The following PTPRR variants were observed in gnomAD, a reference collection of about 807,000 sequenced individuals.
PTPRR encodes the protein receptor-type tyrosine-protein phosphatase R.
Under a neutral mutation model 77.2 loss-of-function variants are expected in PTPRR, and 38 were observed. That is an observed-to-expected ratio of 0.49 (90% CI 0.38 to 0.65). PTPRR has a LOEUF of 0.65. PTPRR is among the 30% of genes least tolerant of loss of function. PTPRR has a pLI of 0.00. For missense variants in PTPRR, 744 were observed against 799.2 expected (o/e 0.93, Z 0.83); for synonymous variants, 299 against 283.1 (o/e 1.06, Z -0.57).
chr12:70,715,182 T>C (rs1217273437), intron 6 of PTPRR, among the ~76,000 whole-genome samples: 1 of 151,946 alleles, frequency 6.6e-6, no homozygotes, highest in Non-Finnish European at 1.5e-5. Context: ...GGGGGAGATA[T>C]CACATGTCAG....
At chr12:70,662,103 G>A (rs112342826) in intron 11 of PTPRR, among the ~76,000 whole-genome samples, 3 of 152,080 alleles carry the variant, frequency 2.0e-5, no homozygotes, top group Non-Finnish European at 4.4e-5. Context: ...ACCCACAAAT[G>A]CAGATTTTCT....
intron 2 of PTPRR, among the ~76,000 whole-genome samples, chr12:70,866,277 T>C (rs1445263535): frequency 6.6e-6 from 1 of 152,186 alleles, no homozygotes; most frequent in East Asian, 1.9e-4. Flanking sequence ...ACAAAATCGA[T>C]AGACCGCTAG....
intron 10 of PTPRR, among the ~76,000 whole-genome samples, chr12:70,673,654 A>C (rs916630611): frequency 1.3e-5 from 2 of 152,244 alleles, no homozygotes; most frequent in East Asian, 3.8e-4. Flanking sequence ...AGAAATAATA[A>C]GAAATATTTA....
intron 2 of PTPRR, among the ~76,000 whole-genome samples, chr12:70,784,089 G>A (rs1013837867): frequency 1.1e-4 from 17 of 152,150 alleles, no homozygotes; most frequent in Non-Finnish European, 2.4e-4. Context: ...GCAGCTGAGG[G>A]CAGAGGGAGC....
intron 2 of PTPRR, among the ~76,000 whole-genome samples, chr12:70,864,426 T>C (rs573945498): frequency 7.9e-5 from 12 of 152,110 alleles, no homozygotes; most frequent in South Asian, 2.1e-4. Context: ...ATCAATAGGG[T>C]TGATTTTCCA....
intron 10 of PTPRR, chr12:70,672,305 C>T (rs868329436): frequency 1.9e-6 from 3 of 1,584,310 alleles, no homozygotes; most frequent in African/African-American, 2.7e-5. Flanking sequence ...GCCCACGGAA[C>T]CGATCAACTT....
chr12:70,686,653 T>C (rs1887880883), intron 8 of PTPRR, among the ~76,000 whole-genome samples: 1 of 152,134 alleles, frequency 6.6e-6, no homozygotes, highest in Non-Finnish European at 1.5e-5. Flanking sequence ...ATGGCCATAT[T>C]TTGAGGGCAC....
At chr12:70,728,488 ATATATG>A (rs200129138) in intron 6 of PTPRR, among the ~76,000 whole-genome samples, 21,459 of 45,524 alleles carry the variant, frequency 0.47, 2,322 homozygotes, top group Middle Eastern at 0.58. Flanking sequence ...ATATATATAT[ATATATG>A]TATGTATGTA....
intron 2 of PTPRR, among the ~76,000 whole-genome samples, chr12:70,863,341 C>T (rs1190718972): frequency 1.3e-5 from 2 of 152,090 alleles, no homozygotes; most frequent in South Asian, 2.1e-4. Flanking sequence ...AATCTATTCA[C>T]ACCAGTTTGC....
chr12:70,718,165 C>G (rs1889103465), intron 6 of PTPRR, among the ~76,000 whole-genome samples: 1 of 152,148 alleles, frequency 6.6e-6, no homozygotes. Flanking sequence ...ATTGGAATTG[C>G]TTCTTGTCTG....
At chr12:70,869,103 G>T (rs1159169352) in intron 2 of PTPRR, among the ~76,000 whole-genome samples, 3 of 150,864 alleles carry the variant, frequency 2.0e-5, no homozygotes, top group Admixed American at 6.6e-5. Flanking sequence ...GTTAATGGGT[G>T]CAGCACACCA....
At chr12:70,703,395 C>T (rs1888504175) in intron 6 of PTPRR, among the ~76,000 whole-genome samples, 1 of 152,030 alleles carries the variant, frequency 6.6e-6, no homozygotes, top group African/African-American at 2.4e-5. Context: ...AAAATCCTGC[C>T]TACCTAATAG....
intron 2 of PTPRR, among the ~76,000 whole-genome samples, chr12:70,806,105 A>C (rs1292015479): frequency 6.6e-6 from 1 of 152,212 alleles, no homozygotes; most frequent in Non-Finnish European, 1.5e-5. Context: ...TTGACCAACC[A>C]ACCAATTACA....
At chr12:70,751,969 C>T (rs916571599) in intron 5 of PTPRR, among the ~76,000 whole-genome samples, 6 of 152,218 alleles carry the variant, frequency 3.9e-5, no homozygotes, top group Non-Finnish European at 5.9e-5. Context: ...AGTTTCACTG[C>T]CCTAAAATCT....
intron 10 of PTPRR, among the ~76,000 whole-genome samples, chr12:70,680,677 G>A (rs920234761): frequency 6.6e-6 from 1 of 152,056 alleles, no homozygotes; most frequent in Non-Finnish European, 1.5e-5. Flanking sequence ...CAGTCTGCCA[G>A]CTTGGGTTAG....
At chr12:70,762,451 T>C (rs1249440317) in intron 3 of PTPRR, among the ~76,000 whole-genome samples, 4 of 152,198 alleles carry the variant, frequency 2.6e-5, no homozygotes, top group African/African-American at 7.2e-5. Context: ...TTTAATGTGC[T>C]TTATCAGAAT....
intron 2 of PTPRR, among the ~76,000 whole-genome samples, chr12:70,856,369 G>T (rs1053568753): frequency 1.3e-5 from 2 of 152,150 alleles, no homozygotes; most frequent in Non-Finnish European, 2.9e-5. Flanking sequence ...TGCCAGGCTG[G>T]CAGATGCAGT....
chr12:70,700,535 T>C (rs577552795), intron 7 of PTPRR, among the ~76,000 whole-genome samples: 2 of 152,194 alleles, frequency 1.3e-5, no homozygotes, highest in Non-Finnish European at 2.9e-5. Context: ...GACTTTTCCA[T>C]TACTTTTGGC....
At position 70,755,611 on chromosome 12, in the gene PTPRR, T is replaced by G. The variant is rs1592735771; in HGVS notation, c.628-1310A>C. ...TAATCAGGATTCTATTTTCTTTACT[T>G]GTAAAACAGCGATGTGCTCACTAAT... On this transcript the variant is annotated intron_variant, in intron 4 of 13. Transcript: ENST00000283228. 2.0e-5 allele frequency among the ~76,000 whole-genome samples: 3 copies of G among 152,308 alleles called. No homozygotes were observed. The Middle Eastern group carries it at 0.01, about 518-fold the overall frequency.
Sources: allele counts gnomAD v4.1 joint callset (sites outside exome capture counted in the v4.1 genomes callset), GRCh38; gene constraint gnomAD v4.1.1; transcripts MANE v1.5; gene names NCBI Gene and HGNC (gene_info 2026-07-23, HGNC 2026-07-21).